The following IFT74 variants were observed in gnomAD, a reference collection of about 807,000 sequenced individuals.
IFT74 encodes intraflagellar transport 74.
In IFT74, 92 loss-of-function variants were observed where a neutral mutation model predicts 96.7. The ratio of observed to expected loss-of-function variants is 0.95; its 90% CI spans 0.80 to 1.13. The LOEUF (loss-of-function observed/expected upper bound fraction) is 1.13. Among genes scored for constraint, IFT74 ranks in the 50% most tolerant of loss-of-function variants. The pLI, the probability that IFT74 is intolerant of heterozygous loss-of-function variation, is 0.00. For synonymous variants in IFT74, 223 were observed against 213.2 expected (o/e 1.05, Z -0.40); for missense variants, 811 against 698.2 (o/e 1.16, Z -1.82).
rs1554680560 is a variant in IFT74, at chr9:27,061,677, G to GTGTATATATA, written c.1685-940_1685-939insGTATATATAT. On this transcript the variant is annotated intron_variant, in intron 19 of 19. Transcript: ENST00000380062. ...ACCATATAGTTATATATATCCACAA[G>GTGTATATATA]TATATATATATATATATATGTACAT... Among the ~76,000 whole-genome samples the GTGTATATATA allele has an allele frequency of 2.8e-5, 4 of 143,100 alleles. No homozygotes were observed. In the East Asian group the frequency reaches 6.4e-4, roughly 23 times the overall value. The allele number at this position is 143,100 out of a possible 152,430, so 93.9% of individuals were successfully genotyped here.
intron 7 of IFT74, 72 bp downstream of exon 7, chr9:26,988,800 A>C: frequency 7.7e-7 from 1 of 1,307,088 alleles, no homozygotes; most frequent in Non-Finnish European, 1.0e-6. Context: ...TATATCTAGA[A>C]ATAGTTTGAT....
At chr9:27,028,779 A>G (rs764888952) in intron 12 of IFT74, 9 of 264,938 alleles carry the variant, frequency 3.4e-5, no homozygotes, top group Admixed American at 1.1e-4. Flanking sequence ...AAAGATCTAG[A>G]CAAGATTCTT....
At chr9:27,012,708 GTTTTTTTTTTTT>G (rs772920018) in intron 10 of IFT74, among the ~76,000 whole-genome samples, 8 of 53,878 alleles carry the variant, frequency 1.5e-4, no homozygotes, top group African/African-American at 2.5e-4. Context: ...AAAAATGTCT[GTTTTTTTTTTTT>G]TTTTTTTTTT....
intron 16 of IFT74, among the ~76,000 whole-genome samples, chr9:27,052,530 A>C (rs889997128): frequency 4.7e-5 from 7 of 149,106 alleles, no homozygotes; most frequent in African/African-American, 1.7e-4. Context: ...AAAAAAAAAA[A>C]GTAGTCATTA....
chr9:27,057,673 A>G (rs1820227820), intron 18 of IFT74, among the ~76,000 whole-genome samples: 1 of 151,994 alleles, frequency 6.6e-6, no homozygotes, highest in East Asian at 1.9e-4. Context: ...CTGGCTAACA[A>G]CGGTGAAACC....
intron 13 of IFT74, among the ~76,000 whole-genome samples, chr9:27,032,781 G>A (rs1426197264): frequency 6.6e-6 from 1 of 151,784 alleles, no homozygotes; most frequent in Non-Finnish European, 1.5e-5. Context: ...TAGGAGAATC[G>A]CTTGAACTCG....
intron 2 of IFT74, among the ~76,000 whole-genome samples, chr9:26,975,174 A>C (rs991516825): frequency 1.3e-5 from 2 of 152,172 alleles, no homozygotes; most frequent in African/African-American, 4.8e-5. Flanking sequence ...GGCACTGAGC[A>C]GAGGAAGATG....
rs1288761292 is a variant in IFT74 at position 27,005,358 on chromosome 9, CCCG to C, written c.588-3659_588-3657del. On this transcript the variant is annotated intron_variant, in intron 8 of 19. Transcript: ENST00000380062. Reference sequence around the variant, plus strand: ...TTGGCTAGATGAAACCATTTCCCCCCCCGCCCCCCGCAAAACAATTACTTAGTA... The same window carrying C: ...TTGGCTAGATGAAACCATTTCCCCCCCCCCCCGCAAAACAATTACTTAGTA... Among the ~76,000 whole-genome samples the C allele has an allele frequency of 5.6e-4, 26 of 46,154 alleles. 1 individual carries two copies. Among genetic ancestry groups the C allele is most frequent in the African/African-American group, 8.2e-4 (10 of 12,258 alleles). The allele number at this position is 46,154 out of a possible 152,430, so 30.3% of individuals were successfully genotyped here.
chr9:27,005,141 A>G (rs1014069102), intron 8 of IFT74, among the ~76,000 whole-genome samples: 2 of 149,772 alleles, frequency 1.3e-5, no homozygotes, highest in African/African-American at 4.9e-5. Flanking sequence ...TTTTTTTCAG[A>G]TTTAAAACCT....
intron 2 of IFT74, among the ~76,000 whole-genome samples, chr9:26,968,376 C>T (rs2131499601): frequency 1.3e-5 from 2 of 151,932 alleles, no homozygotes; most frequent in Middle Eastern, 3.4e-3. Context: ...ATTCTCCTTT[C>T]TCAGCCTCCC....
intron 8 of IFT74, chr9:26,998,343 T>G (rs546964003): frequency 2.0e-4 from 141 of 696,664 alleles, no homozygotes; most frequent in Non-Finnish European, 2.9e-4. Context: ...GACGTTATTT[T>G]GGGAAAAAAA....
chr9:26,973,528 T>A (rs1308422007), intron 2 of IFT74, among the ~76,000 whole-genome samples: 2 of 152,168 alleles, frequency 1.3e-5, no homozygotes, highest in African/African-American at 4.8e-5. Flanking sequence ...GTATTTTTCG[T>A]CCACAGTGGT....
At chr9:26,986,017 T>C (rs1285643669) in intron 6 of IFT74, among the ~76,000 whole-genome samples, 1 of 152,192 alleles carries the variant, frequency 6.6e-6, no homozygotes, top group Non-Finnish European at 1.5e-5. Context: ...TGGGTGATAT[T>C]GGCCCCATGA....
At chr9:26,956,341 G>A (rs1826091448), upstream of IFT74, 1 of 152,260 alleles carries the variant, frequency 6.6e-6, no homozygotes, top group Non-Finnish European at 1.5e-5. Context: ...CTGAGGCGGA[G>A]GATTGGTCAC....
intron 17 of IFT74, 65 bp from the exon 18 acceptor site, chr9:27,056,269 A>G (rs1750856393): frequency 4.1e-6 from 5 of 1,225,594 alleles, no homozygotes; most frequent in Non-Finnish European, 5.8e-6. Context: ...ATTAAGTTAA[A>G]TATGATTTAT....
At chr9:27,000,745 C>G (rs188403626) in intron 8 of IFT74, among the ~76,000 whole-genome samples, 1 of 152,096 alleles carries the variant, frequency 6.6e-6, no homozygotes, top group Non-Finnish European at 1.5e-5. Flanking sequence ...ACCTAGGTGA[C>G]GGGTTGATCT....
chr9:26,988,617 A>G (rs1485594428), intron 6 of IFT74, 52 bp from the exon 7 acceptor site: 1 of 1,451,992 alleles, frequency 6.9e-7, no homozygotes, highest in Non-Finnish European at 9.4e-7. Flanking sequence ...TATAGAGAAC[A>G]TGTGTAAAGA....
chr9:27,058,650 A>C (rs1450174201), intron 18 of IFT74, among the ~76,000 whole-genome samples: 6 of 152,176 alleles, frequency 3.9e-5, no homozygotes, highest in Admixed American at 3.9e-4. Flanking sequence ...GGCCTCCCAA[A>C]GTGCTGGGAT....
At chr9:27,018,100 C>T (rs1023005643) in intron 11 of IFT74, among the ~76,000 whole-genome samples, 5 of 152,054 alleles carry the variant, frequency 3.3e-5, no homozygotes, top group South Asian at 2.1e-4. Flanking sequence ...TCTTGAGGTA[C>T]GCCTACCACA....
Sources: allele counts gnomAD v4.1 joint callset (sites outside exome capture counted in the v4.1 genomes callset), GRCh38; gene constraint gnomAD v4.1.1; transcripts MANE v1.5; gene names NCBI Gene and HGNC (gene_info 2026-07-23, HGNC 2026-07-21).